The following HEATR5A variants were observed in gnomAD, a reference collection of about 807,000 sequenced individuals.
HEATR5A encodes the protein HEAT repeat containing 5A.
A neutral mutation model predicts 218.8 loss-of-function variants in HEATR5A; 178 were observed. The observed-to-expected ratio is 0.81, with a 90% confidence interval of 0.72 to 0.92. The LOEUF is 0.92. Ranked by LOEUF, HEATR5A falls within the 40% of genes least tolerant of loss-of-function variation. The pLI, the probability that HEATR5A is intolerant of heterozygous loss-of-function variation, is 0.00. For synonymous variants in HEATR5A, 864 were observed against 871.6 expected (o/e 0.99, Z 0.15); for missense variants, 2,420 against 2,418.9 (o/e 1.00, Z -0.01).
intron 11 of HEATR5A, among the ~76,000 whole-genome samples, chr14:31,377,999 A>G (rs187112611): frequency 9.7e-4 from 148 of 152,332 alleles, no homozygotes; most frequent in Middle Eastern, 3.4e-3. Context: ...GCTTGTTTTA[A>G]AAGCTCTTGT....
chr14:31,361,618 T>A (rs756086744), intron 14 of HEATR5A, among the ~76,000 whole-genome samples: 14 of 152,204 alleles, frequency 9.2e-5, no homozygotes, highest in Admixed American at 2.6e-4. Flanking sequence ...ATAATTAAGA[T>A]AATTTTGAAA....
intron 18 of HEATR5A, among the ~76,000 whole-genome samples, chr14:31,349,411 T>G (rs1379790961): frequency 6.6e-6 from 1 of 151,990 alleles, no homozygotes; most frequent in African/African-American, 2.4e-5. Flanking sequence ...GAAAGTACCG[T>G]TTGTTTCCTC....
Position 31,387,365 on chromosome 14 carries a change from A to T in HEATR5A, c.944T>A (p.Val315Glu). The T allele has an allele frequency of 6.2e-7, 1 of 1,612,298 alleles. No individual in the cohort carries two copies. Among genetic ancestry groups the T allele is most frequent in the Non-Finnish European group, 8.5e-7 (1 of 1,178,614 alleles). The change falls in exon 8 of 36, where the codon GTA becomes GAA. Residue 315 changes from valine (V) to glutamate (E), a missense_variant. Val to Glu is a moderately radical substitution (Grantham distance 121). Coordinates refer to ENST00000543095, the MANE Select transcript of HEATR5A (RefSeq NM_015473.4). The part of the protein sequence containing the change: ...VRVGVTQAYV[V>E]FVSTLGGAWL... ...AGCTCCTCCTAGTGTTGAAACAAAT[A>T]CCACATAAGCCTAAAAAGGAAAAGA...
intron 33 of HEATR5A, among the ~76,000 whole-genome samples, chr14:31,299,133 T>C (rs1040715843): frequency 1.3e-5 from 2 of 152,212 alleles, no homozygotes; most frequent in African/African-American, 4.8e-5. Context: ...AGCTCCCAAA[T>C]ACACACATAG....
chr14:31,417,016 C>T (rs531674231), intron 1 of HEATR5A, among the ~76,000 whole-genome samples: 61 of 151,768 alleles, frequency 4.0e-4, no homozygotes, highest in Non-Finnish European at 7.7e-4. Context: ...GTAGAAGGAT[C>T]GCTTGAGTAC....
chr14:31,337,537 T>C lies in HEATR5A; in HGVS notation c.3306A>G (p.Ala1102=). 1 of 1,573,122 alleles carries C rather than the reference T, an allele frequency of 6.4e-7. No individual in the cohort carries two copies. Among genetic ancestry groups the C allele is most frequent in the South Asian group, 1.2e-5 (1 of 85,502 alleles). Residue 1102 remains alanine, a synonymous_variant, in exon 22 of 36, where the codon GCA becomes GCG. Transcript: ENST00000543095. The stretch of plus-strand genomic sequence containing the variant: ...TAACAGCATGTTCTGAAACTTCAGC[T>C]GCTTCTCTTTGTACAAGCTGACGTA... ...ACLRQLVQRE[A]AEVSEHAVML...
chr14:31,323,832 T>A (rs771175843), intron 23 of HEATR5A, 28 bp from the exon 24 acceptor site: 14 of 1,420,918 alleles, frequency 9.9e-6, no homozygotes, highest in South Asian at 6.1e-5. Context: ...CATATGTAAT[T>A]ATAATCAACT....
intron 1 of HEATR5A, among the ~76,000 whole-genome samples, chr14:31,410,156 C>T (rs2031224172): frequency 6.6e-6 from 1 of 152,090 alleles, no homozygotes. Flanking sequence ...GTATCAAGTA[C>T]CTGAAGTGTT....
In HEATR5A at chr14:31,295,860, G is replaced by A. The variant is rs775281266; in HGVS notation, c.5619+49C>T. ...AAATCACACAGAAAATTTTCTAAAG[G>A]CCTAGCCATTGTCCTATTACATACA... On this transcript the variant is annotated intron_variant, in intron 34 of 35. Transcript: ENST00000543095. 26 of 1,509,280 alleles carry A rather than the reference G, an allele frequency of 1.7e-5. No individual in the cohort carries two copies. The South Asian group carries it at 2.7e-4, about 16-fold the overall frequency. The allele number at this position is 1,509,280 out of a possible 1,614,324, so 93.5% of individuals were successfully genotyped here.
intron 16 of HEATR5A, among the ~76,000 whole-genome samples, chr14:31,357,365 C>T (rs538616508): frequency 3.9e-5 from 6 of 152,300 alleles, no homozygotes; most frequent in African/African-American, 1.4e-4. Context: ...CTGGTATCCT[C>T]TGGAAGATAT....
At chr14:31,411,876 A>T (rs1337575848) in intron 1 of HEATR5A, among the ~76,000 whole-genome samples, 1 of 151,690 alleles carries the variant, frequency 6.6e-6, no homozygotes, top group Non-Finnish European at 1.5e-5. Flanking sequence ...CTTTTTTTTT[A>T]AGACAGTCTC....
At chr14:31,303,464 C>T (rs1899454614) in intron 32 of HEATR5A, among the ~76,000 whole-genome samples, 1 of 151,952 alleles carries the variant, frequency 6.6e-6, no homozygotes, top group Non-Finnish European at 1.5e-5. Flanking sequence ...CAAAAAAACA[C>T]CTTTAGCAGA....
At chr14:31,379,689 C>A (rs2029904986) in intron 11 of HEATR5A, among the ~76,000 whole-genome samples, 1 of 152,164 alleles carries the variant, frequency 6.6e-6, no homozygotes, top group Admixed American at 6.5e-5. Flanking sequence ...TTCAGTGGCT[C>A]ATGCTTATAA....
rs1372943847 is a variant in HEATR5A, at chr14:31,372,800, C to T, written c.1862-891G>A. 2.6e-5 allele frequency among the ~76,000 whole-genome samples: 4 copies of T among 152,164 alleles called. No individual in the cohort carries two copies. The South Asian group carries it at 8.3e-4, about 32-fold the overall frequency. On this transcript the variant is annotated intron_variant, in intron 12 of 35. Coordinates refer to ENST00000543095, the MANE Select transcript of HEATR5A (RefSeq NM_015473.4). The stretch of plus-strand genomic sequence containing the variant: ...CAAGATCATGCCATTGCACTCCAGC[C>T]TGGGCAACAAGAGTGAAACTCCGTC...
chr14:31,416,808 A>G (rs2031466196), intron 1 of HEATR5A, among the ~76,000 whole-genome samples: 1 of 152,170 alleles, frequency 6.6e-6, no homozygotes, highest in South Asian at 2.1e-4. Flanking sequence ...CCTGTTTAAA[A>G]AACTCTTTTG....
chr14:31,336,206 A>G (rs1349598800), intron 22 of HEATR5A, among the ~76,000 whole-genome samples: 2 of 12,206 alleles, frequency 1.6e-4, no homozygotes, highest in African/African-American at 3.9e-4. Context: ...ATTTTTATAT[A>G]TACATACATA....
At chr14:31,373,512 G>A (rs894505350) in intron 12 of HEATR5A, among the ~76,000 whole-genome samples, 4 of 151,950 alleles carry the variant, frequency 2.6e-5, no homozygotes, top group Non-Finnish European at 5.9e-5. Flanking sequence ...TGTATTTTTA[G>A]TAGAGATGGG....
intron 16 of HEATR5A, among the ~76,000 whole-genome samples, chr14:31,351,537 GAAAAGTGCTA>G (rs1241262500): frequency 6.6e-6 from 1 of 151,572 alleles, no homozygotes; most frequent in Non-Finnish European, 1.5e-5. Flanking sequence ...AAAATGATGT[GAAAAGTGCTA>G]AAAAGGTAAT....
rs1044003063 is a variant in HEATR5A at position 31,358,628 on chromosome 14, G to A, written c.2411+9C>T. 1.9e-6 allele frequency: 3 copies of A among 1,610,316 alleles called. No individual in the cohort carries two copies. Among genetic ancestry groups the A allele is most frequent in the South Asian group, 2.2e-5 (2 of 90,560 alleles). Reference sequence around the variant, plus strand: ...ATTATCCATTCACTGAACCATTGAAGATATTTACCTTTGAGTTTCTCCCAC... The same window carrying A: ...ATTATCCATTCACTGAACCATTGAAAATATTTACCTTTGAGTTTCTCCCAC... On this transcript the variant is annotated intron_variant, in intron 16 of 35. Coordinates refer to ENST00000543095, the MANE Select transcript of HEATR5A (RefSeq NM_015473.4).
Sources: gnomAD v4.1 joint callset for allele counts (sites outside exome capture counted in the v4.1 genomes callset) on GRCh38, gnomAD v4.1.1 for gene constraint, MANE v1.5 for transcripts, NCBI Gene and HGNC (gene_info 2026-07-23, HGNC 2026-07-21) for gene names.